Variants in NT5C1A observed in about 807,000 individuals in gnomAD.
The protein encoded by NT5C1A is 5'-nucleotidase, cytosolic IA.
In NT5C1A, 18 loss-of-function variants were observed where a neutral mutation model predicts 31.0. The observed-to-expected ratio is 0.58, with a 90% CI of 0.40 to 0.86. The LOEUF (loss-of-function observed/expected upper bound fraction) is 0.86. Among genes scored for constraint, NT5C1A ranks in the 40% least tolerant of loss-of-function variants. NT5C1A has a pLI of 0.00. For synonymous variants in NT5C1A, 185 were observed against 203.6 expected, an observed-to-expected ratio of 0.91 and a Z score of 0.78; for missense variants, 470 against 505.4, an observed-to-expected ratio of 0.93 and a Z score of 0.67.
chr1:39,663,650 G>A (rs1249885562), intron 3 of NT5C1A, among the ~76,000 whole-genome samples: 2 of 152,192 alleles, frequency 1.3e-5, no homozygotes, highest in African/African-American at 4.8e-5. Context: ...AGCTCACAGG[G>A]ACATCCTCTT....
At position 39,654,328 on chromosome 1, in the gene NT5C1A, T is replaced by C. The variant is rs1482250016; in HGVS notation, c.*4793A>G. Among the ~76,000 whole-genome samples the C allele has an allele frequency of 6.6e-6, 1 of 152,230 alleles. No homozygotes were observed. Among genetic ancestry groups the C allele is most frequent in the Non-Finnish European group, 1.5e-5 (1 of 68,040 alleles). On this transcript the variant is annotated 3_prime_UTR_variant, in exon 6 of 6. Coordinates refer to ENST00000235628, the MANE Select transcript of NT5C1A (RefSeq NM_032526.3). ...CGGGACCCTCTTCACGACGGACTTG[T>C]TCTTGCTTTCACAGAAAGTACATGG...
At chr1:39,670,880 C>A (rs1360519836) in intron 1 of NT5C1A, among the ~76,000 whole-genome samples, 1 of 151,738 alleles carries the variant, frequency 6.6e-6, no homozygotes, top group East Asian at 1.9e-4. Flanking sequence ...CCCCCCCCAA[C>A]TCCCCTAGGC....
At chr1:39,661,514 G>A (rs1422395799) in intron 4 of NT5C1A, among the ~76,000 whole-genome samples, 2 of 152,216 alleles carry the variant, frequency 1.3e-5, no homozygotes, top group Non-Finnish European at 2.9e-5. Context: ...ATTGCTTTGT[G>A]GAAAAGTCTG....
chr1:39,652,358 C>A lies in NT5C1A; in HGVS notation c.*6763G>T, dbSNP rs1301998977. Among the ~76,000 whole-genome samples the A allele has an allele frequency of 6.6e-6, 1 of 152,170 alleles. No homozygotes were observed. The highest frequency in any genetic ancestry group is 1.9e-4 in the East Asian group (1 of 5,188). ...TCCCAGCTTCTCTTCAAAAATGGGG[C>A]GGACTATCCGGCAACCTCAGGCCAC... On this transcript the variant is annotated 3_prime_UTR_variant, in exon 6 of 6. Coordinates refer to ENST00000235628, the MANE Select transcript of NT5C1A (RefSeq NM_032526.3).
chr1:39,664,275 T>A (rs1471369129), intron 3 of NT5C1A, among the ~76,000 whole-genome samples: 1 of 150,750 alleles, frequency 6.6e-6, no homozygotes, highest in Non-Finnish European at 1.5e-5. Context: ...TGCCTCAGCC[T>A]CCCGAGTAGC....
Position 39,666,103 on chromosome 1 carries a change from G to C in NT5C1A, c.269C>G (p.Pro90Arg), listed in dbSNP as rs770273387. Residue 90 changes from proline to arginine, a missense_variant, in exon 2 of 6, where the codon CCC becomes CGC. Coordinates refer to ENST00000235628, the MANE Select transcript of NT5C1A (RefSeq NM_032526.3). ...AGGGAAGGCTGGCCCGGGACTGAAG[G>C]GTTCGTTCTCATGTTCCAGCTGGTA... ...VRYQLEHENE[P>R]FSPGPAFPFV... is the part of the protein sequence containing the mutation. 2 of 1,613,658 alleles carry C rather than the reference G, an allele frequency of 1.2e-6. No homozygotes were observed. Among genetic ancestry groups the C allele is most frequent in the Non-Finnish European group, 1.7e-6 (2 of 1,179,978 alleles).
intron 4 of NT5C1A, among the ~76,000 whole-genome samples, chr1:39,661,708 C>T (rs539115942): frequency 2.0e-5 from 3 of 152,306 alleles, no homozygotes; most frequent in South Asian, 2.1e-4. Context: ...TGATGTAGAC[C>T]GACAGTGGGG....
chr1:39,657,628 G>A lies in NT5C1A; in HGVS notation c.*1493C>T, dbSNP rs1464821117. Among the ~76,000 whole-genome samples, 1 of 152,220 alleles carries A rather than the reference G, an allele frequency of 6.6e-6. No individual in the cohort carries two copies. The highest frequency in any genetic ancestry group is 1.5e-5 in the Non-Finnish European group (1 of 68,034). On this transcript the variant is annotated 3_prime_UTR_variant, in exon 6 of 6. Coordinates refer to ENST00000235628, the MANE Select transcript of NT5C1A (RefSeq NM_032526.3). Reference sequence around the variant, plus strand: ...GAGCCAGGGATGCTCAGCAAAGGAGGAGGCTGACTCATCAAGCGGTGAGAG... The same window carrying A: ...GAGCCAGGGATGCTCAGCAAAGGAGAAGGCTGACTCATCAAGCGGTGAGAG...
rs1005524038 is a variant in NT5C1A at position 39,652,156 on chromosome 1, GTGTAATA to G, written c.*6958_*6964del. ...TAAATATCCATCACTGAGAATCTGA[GTGTAATA>G]TCCTCAGACTCTCAGTGACTTGGGT... On this transcript the variant is annotated 3_prime_UTR_variant, in exon 6 of 6. Coordinates refer to ENST00000235628, the MANE Select transcript of NT5C1A (RefSeq NM_032526.3). Among the ~76,000 whole-genome samples, 1 of 149,020 alleles carries G rather than the reference GTGTAATA, an allele frequency of 6.7e-6. No homozygotes were observed. Among genetic ancestry groups the G allele is most frequent in the Non-Finnish European group, 1.5e-5 (1 of 67,478 alleles).
Position 39,653,093 on chromosome 1 carries a change from G to T in NT5C1A, c.*6028C>A, listed in dbSNP as rs1258037126. On this transcript the variant is annotated 3_prime_UTR_variant, in exon 6 of 6. Coordinates refer to ENST00000235628, the MANE Select transcript of NT5C1A (RefSeq NM_032526.3). ...CCTTGGCACTGTTAGGGGGAGGGAA[G>T]AAACAAATGGAGATGATGAGGCAGG... is the stretch of plus-strand genomic sequence containing the variant. Among the ~76,000 whole-genome samples, 1 of 152,144 alleles carries T rather than the reference G, an allele frequency of 6.6e-6. No homozygotes were observed. Among genetic ancestry groups the T allele is most frequent in the Non-Finnish European group, 1.5e-5 (1 of 68,030 alleles).
intron 1 of NT5C1A, among the ~76,000 whole-genome samples, chr1:39,668,709 C>A (rs1479348823): frequency 6.6e-6 from 1 of 152,216 alleles, no homozygotes; most frequent in Non-Finnish European, 1.5e-5. Flanking sequence ...TCTCCCCCAG[C>A]CTTCACTTTC....
In NT5C1A at chr1:39,658,228, G is replaced by A. The variant is rs1646473213; in HGVS notation, c.*893C>T. On this transcript the variant is annotated 3_prime_UTR_variant, in exon 6 of 6. Coordinates refer to ENST00000235628, the MANE Select transcript of NT5C1A (RefSeq NM_032526.3). The stretch of plus-strand genomic sequence containing the variant: ...AGCCTGCAGTGCCCCCTGCTGGCTG[G>A]AGGAGAGTTTGTATGCGTGTCCAAT... Among the ~76,000 whole-genome samples, 1 of 152,208 alleles carries A rather than the reference G, an allele frequency of 6.6e-6. No individual in the cohort carries two copies. The highest frequency in any genetic ancestry group is 2.4e-5 in the African/African-American group (1 of 41,458).
intron 3 of NT5C1A, among the ~76,000 whole-genome samples, chr1:39,664,515 T>TCTCCTCCCCTCCCCTCCCCTCCCC (rs1646511027): frequency 2.5e-5 from 2 of 80,626 alleles, no homozygotes; most frequent in African/African-American, 5.7e-5. Context: ...TCTCCTCTCC[T>TCTCCTCCCCTCCCCTCCCCTCCCC]TTCCATCTCA....
rs1646444818 is a variant in NT5C1A, at chr1:39,653,681, C to T, written c.*5440G>A. ...GTGGGTAGAATCACTTGACTACTGC[C>T]AGCAGCTGCGTGCCGGCCTGCAGTG... is the stretch of plus-strand genomic sequence containing the variant. On this transcript the variant is annotated 3_prime_UTR_variant, in exon 6 of 6. Coordinates refer to ENST00000235628, the MANE Select transcript of NT5C1A (RefSeq NM_032526.3). Among the ~76,000 whole-genome samples the T allele has an allele frequency of 6.6e-6, 1 of 152,148 alleles. No individual in the cohort carries two copies. The highest frequency in any genetic ancestry group is 1.5e-5 in the Non-Finnish European group (1 of 68,026).
chr1:39,666,749 T>C (rs1199558875), intron 1 of NT5C1A, among the ~76,000 whole-genome samples: 3 of 152,168 alleles, frequency 2.0e-5, no homozygotes, highest in Admixed American at 1.3e-4. Flanking sequence ...AAAGTTAACA[T>C]TCCCAAGGCT....
At position 39,657,693 on chromosome 1, in the gene NT5C1A, C is replaced by T. The variant is rs1366387002; in HGVS notation, c.*1428G>A. Among the ~76,000 whole-genome samples the T allele has an allele frequency of 6.6e-6, 1 of 152,196 alleles. No homozygotes were observed. Among genetic ancestry groups the T allele is most frequent in the African/African-American group, 2.4e-5 (1 of 41,450 alleles). ...TGGTGAAGAAGGGGCCGCAGGGGCT[C>T]TTGCAAATGTGGAGGATCCGCTGAT... is the stretch of plus-strand genomic sequence containing the variant. On this transcript the variant is annotated 3_prime_UTR_variant, in exon 6 of 6. Transcript: ENST00000235628.
intron 5 of NT5C1A, 113 bp from the exon 6 acceptor site, chr1:39,659,599 A>T: frequency 7.5e-7 from 1 of 1,338,766 alleles, no homozygotes; most frequent in South Asian, 1.5e-5. Context: ...AGGATCCCTA[A>T]ATCTTTCAGT....
rs2124147787 is a variant in NT5C1A, at chr1:39,658,327, CT to C, written c.*793del. The stretch of plus-strand genomic sequence containing the variant: ...AGAATCACATGAGCAGATAGGTCAT[CT>C]TGTCCAGTGGTTTCAAAATGTGTAA... On this transcript the variant is annotated 3_prime_UTR_variant, in exon 6 of 6. Transcript: ENST00000235628. Among the ~76,000 whole-genome samples the C allele has an allele frequency of 6.6e-6, 1 of 152,326 alleles. No homozygotes were observed. The highest frequency in any genetic ancestry group is 1.9e-4 in the East Asian group (1 of 5,190).
rs1345725397 is a variant in NT5C1A at position 39,656,390 on chromosome 1, T to C, written c.*2731A>G. ...TGCCTAAGACTGCCCCTCAGATTTC[T>C]GGCTTTTTATTCCAGTGACTGAAAG... On this transcript the variant is annotated 3_prime_UTR_variant, in exon 6 of 6. Transcript: ENST00000235628. Among the ~76,000 whole-genome samples, 2 of 152,248 alleles carry C rather than the reference T, an allele frequency of 1.3e-5. No individual in the cohort carries two copies. The highest frequency in any genetic ancestry group is 1.3e-4 in the Admixed American group (2 of 15,278).
Sources: allele counts gnomAD v4.1 joint callset (sites outside exome capture counted in the v4.1 genomes callset), GRCh38; gene constraint gnomAD v4.1.1; transcripts MANE v1.5; gene names NCBI Gene and HGNC (gene_info 2026-07-23, HGNC 2026-07-21).